The following DNAAF1 variants were observed in gnomAD, a reference collection of about 807,000 sequenced individuals.
DNAAF1 encodes dynein assembly factor 1, axonemal.
DNAAF1 carries 65 observed loss-of-function variants against 71.1 expected under a neutral mutation model. That is an observed-to-expected ratio of 0.91 (90% CI 0.75 to 1.12). The LOEUF (loss-of-function observed/expected upper bound fraction) is 1.12, where lower values mean the gene tolerates loss of function less well. Ranked by LOEUF, DNAAF1 falls within the 50% of genes most tolerant of loss-of-function variation. The pLI is 0.00. For synonymous variants in DNAAF1, 414 were observed against 354.6 expected, an observed-to-expected ratio of 1.17 and a Z score of -1.88; for missense variants, 1,178 against 899.8, an observed-to-expected ratio of 1.31 and a Z score of -3.96.
At chr16:84,158,542 G>C (rs1406723074) in intron 5 of DNAAF1, among the ~76,000 whole-genome samples, 1 of 152,106 alleles carries the variant, frequency 6.6e-6, no homozygotes, top group Non-Finnish European at 1.5e-5. Context: ...ATTTTGATTA[G>C]GACACAATTC....
chr16:84,150,380 G>T (rs1403970163), intron 3 of DNAAF1, 38 bp downstream of exon 3: 1 of 1,464,846 alleles, frequency 6.8e-7, no homozygotes, highest in Non-Finnish European at 9.6e-7. Context: ...ACGTCAGGTG[G>T]AAAGATTCTG....
intron 7 of DNAAF1, among the ~76,000 whole-genome samples, chr16:84,169,581 G>A (rs973403840): frequency 6.6e-6 from 1 of 151,652 alleles, no homozygotes; most frequent in Admixed American, 6.6e-5. Flanking sequence ...CACCACATCC[G>A]AGTAATTTTT....
At chr16:84,165,167 T>C (rs543798960) in intron 6 of DNAAF1, among the ~76,000 whole-genome samples, 1 of 152,314 alleles carries the variant, frequency 6.6e-6, no homozygotes, top group South Asian at 2.1e-4. Flanking sequence ...TTCCCAGTTA[T>C]CTTTTTTTGC....
chr16:84,150,006 T>C (rs930736861), intron 2 of DNAAF1, among the ~76,000 whole-genome samples: 2 of 149,958 alleles, frequency 1.3e-5, no homozygotes, highest in African/African-American at 2.5e-5. Context: ...GCCTGGGCAA[T>C]AGAGTGAGAC....
At chr16:84,160,922 G>A (rs546335458) in intron 6 of DNAAF1, among the ~76,000 whole-genome samples, 1 of 150,434 alleles carries the variant, frequency 6.6e-6, no homozygotes, top group African/African-American at 2.4e-5. Flanking sequence ...GGGCAACAGA[G>A]CGAGACTCCG....
At position 84,170,317 on chromosome 16, in the gene DNAAF1, G is replaced by A. The variant is rs1326170007; in HGVS notation, c.1489G>A (p.Glu497Lys). ...DREPEGTLPA[E>K]APPPPPLGAA... ...AGAGCCAGAGGGGACCCTCCCAGCT[G>A]AGGCCCCACCACCACCGCCCCTGGG... The change falls in exon 8 of 12, where the codon GAG becomes AAG. Residue 497 changes from glutamate to lysine, a missense_variant. Coordinates refer to ENST00000378553, the MANE Select transcript of DNAAF1 (RefSeq NM_178452.6). The A allele has an allele frequency of 1.2e-6, 2 of 1,611,780 alleles. No homozygotes were observed. The highest frequency in any genetic ancestry group is 8.5e-7 in the Non-Finnish European group (1 of 1,179,078).
chr16:84,164,344 T>G (rs533509253), intron 6 of DNAAF1, among the ~76,000 whole-genome samples: 131 of 152,334 alleles, frequency 8.6e-4, no homozygotes, highest in African/African-American at 3.1e-3. Flanking sequence ...AGGTATCATG[T>G]CCTGTATCCC....
chr16:84,160,636 C>T (rs980731566), intron 6 of DNAAF1, among the ~76,000 whole-genome samples: 1 of 152,124 alleles, frequency 6.6e-6, no homozygotes, highest in African/African-American at 2.4e-5. Context: ...TCCACTTTAG[C>T]CAGGTAAGAA....
Position 84,172,299 on chromosome 16 carries a change from T to C in DNAAF1, c.1568T>C (p.Val523Ala), listed in dbSNP as rs1481696884. Residue 523 changes from valine to alanine, a missense_variant, in exon 9 of 12, where the codon GTT (valine) becomes GCT (alanine). Coordinates refer to ENST00000378553, the MANE Select transcript of DNAAF1 (RefSeq NM_178452.6). ...PQAVATEGVF[V>A]TELDGTRTED... ...GCTGTGGCCACTGAGGGTGTATTCG[T>C]TACAGAACTTGATGGAACGAGAACG... The C allele has an allele frequency of 6.2e-7, 1 of 1,614,094 alleles. No individual in the cohort carries two copies. Among genetic ancestry groups the C allele is most frequent in the Non-Finnish European group, 8.5e-7 (1 of 1,180,038 alleles).
At chr16:84,177,556 T>G in intron 11 of DNAAF1, 173 bp from the exon 12 acceptor site, 1 of 635,664 alleles carries the variant, frequency 1.6e-6, no homozygotes, top group Non-Finnish European at 2.9e-6. Context: ...CTCGAACTCC[T>G]GACCTCAGGT....
At chr16:84,163,761 G>C (rs2087831450) in intron 6 of DNAAF1, among the ~76,000 whole-genome samples, 1 of 152,016 alleles carries the variant, frequency 6.6e-6, no homozygotes, top group Admixed American at 6.6e-5. Flanking sequence ...GGTAGATAAT[G>C]ATGTTGAGCA....
In DNAAF1 at chr16:84,170,243, C is replaced by T; in HGVS notation, c.1415C>T (p.Thr472Ile). ...CCAGAGGGGACCCTCCCAGCTGAGA[C>T]CCTGCTACTGTCACCGCCTGTGAAG... ...QEPEGTLPAE[T>I]LLLSPPVKVK... The change falls in exon 8 of 12, where the codon ACC becomes ATC. Residue 472 changes from threonine to isoleucine, a missense_variant. Transcript: ENST00000378553. 1 of 1,609,714 alleles carries T rather than the reference C, an allele frequency of 6.2e-7. No individual in the cohort carries two copies. The highest frequency in any genetic ancestry group is 8.5e-7 in the Non-Finnish European group (1 of 1,178,022).
In DNAAF1 at chr16:84,149,606, G is replaced by A. The variant is rs571923844; in HGVS notation, c.260+464G>A. Among the ~76,000 whole-genome samples, 23 of 148,348 alleles carry A rather than the reference G, an allele frequency of 1.6e-4. No individual in the cohort carries two copies. The South Asian group carries it at 3.2e-3, about 21-fold the overall frequency. On this transcript the variant is annotated intron_variant, in intron 2 of 11. Transcript: ENST00000378553. ...CTTGGGAGGCTGAGGCAGGAGGATC[G>A]CTTGAACCCGGGAGGCGAAGGTTGC...
intron 6 of DNAAF1, among the ~76,000 whole-genome samples, 200 bp downstream of exon 6, chr16:84,159,996 A>G (rs1451293038): frequency 6.6e-6 from 1 of 152,144 alleles, no homozygotes; most frequent in Non-Finnish European, 1.5e-5. Flanking sequence ...CCTTTGATAA[A>G]TATCTTTGTA....
intron 6 of DNAAF1, among the ~76,000 whole-genome samples, chr16:84,162,585 C>T (rs543300979): frequency 6.6e-5 from 10 of 151,614 alleles, no homozygotes; most frequent in African/African-American, 2.4e-4. Context: ...CTTTGGGAGG[C>T]GGGGGCGGGC....
At chr16:84,159,329 G>A (rs1430071433) in intron 5 of DNAAF1, 2 of 910,020 alleles carry the variant, frequency 2.2e-6, no homozygotes, top group Admixed American at 9.2e-5. Flanking sequence ...CAATTAGGCA[G>A]AGATTCATTT....
chr16:84,145,512 G>A lies in DNAAF1; in HGVS notation c.72G>A (p.Val24=), dbSNP rs758148388. 6.4e-7 allele frequency: 1 copy of A among 1,560,144 alleles called. No homozygotes were observed. Among genetic ancestry groups the A allele is most frequent in the South Asian group, 1.2e-5 (1 of 84,760 alleles). Residue 24 remains valine, a synonymous_variant, in exon 1 of 12, where the codon GTG becomes GTA. Transcript: ENST00000378553. ...AELDCAQEPG[V]EESAGDHGSA... Reference sequence around the variant, plus strand: ...TGGATTGCGCGCAGGAGCCCGGCGTGGAGGAGTCTGCGGGTGACCACGGGA... The same window carrying A: ...TGGATTGCGCGCAGGAGCCCGGCGTAGAGGAGTCTGCGGGTGACCACGGGA...
rs375812500 is a variant in DNAAF1 at position 84,150,322 on chromosome 16, C to A, written c.332C>A (p.Thr111Lys). 1.4e-5 allele frequency: 22 copies of A among 1,612,870 alleles called. No individual in the cohort carries two copies. The highest frequency in any genetic ancestry group is 1.7e-4 in the Middle Eastern group (1 of 6,060). The change falls in exon 3 of 12, where the codon ACG becomes AAG. Residue 111 changes from threonine (T) to lysine (K), a missense_variant. Transcript: ENST00000378553. Reference sequence around the variant, plus strand: ...TATATTACCCCAGCATTGAATGATACGCTGTATTTACACTTTAAAGGTAAG... The same window carrying A: ...TATATTACCCCAGCATTGAATGATAAGCTGTATTTACACTTTAAAGGTAAG... ...KLYITPALNDTLYLHFKGFDR... is the reference protein window; with the variant it reads ...KLYITPALNDKLYLHFKGFDR...
Position 84,149,855 on chromosome 16 carries a change from C to G in DNAAF1, c.261-396C>G, listed in dbSNP as rs367853212. 3.8e-3 allele frequency among the ~76,000 whole-genome samples: 569 copies of G among 150,986 alleles called. 5 individuals carry two copies. Among genetic ancestry groups the G allele is most frequent in the African/African-American group, 0.013 (545 of 41,138 alleles). On this transcript the variant is annotated intron_variant, in intron 2 of 11. Coordinates refer to ENST00000378553, the MANE Select transcript of DNAAF1 (RefSeq NM_178452.6). ...GCCTGACCAACATGGTGAAACCCCC[C>G]CTCTACTAAAAATACAAAAATTAGC... is the stretch of plus-strand genomic sequence containing the variant.
Sources: gnomAD v4.1 joint callset for allele counts (sites outside exome capture counted in the v4.1 genomes callset) on GRCh38, gnomAD v4.1.1 for gene constraint, MANE v1.5 for transcripts, NCBI Gene and HGNC (gene_info 2026-07-23, HGNC 2026-07-21) for gene names.